Variants in CADM2 observed in about 807,000 individuals in gnomAD.
CADM2 encodes the protein immunoglobulin superfamily member 4D.
Under a neutral mutation model 49.8 loss-of-function variants are expected in CADM2, and 12 were observed. That is an observed-to-expected ratio of 0.24 (90% CI 0.15 to 0.39). CADM2 has a LOEUF of 0.39. CADM2 is among the 10% of genes least tolerant of loss of function. CADM2 has a pLI of 1.00. For synonymous variants in CADM2, 214 were observed against 175.4 expected, an observed-to-expected ratio of 1.22 and a Z score of -1.74; for missense variants, 378 against 492.3, an observed-to-expected ratio of 0.77 and a Z score of 2.20.
chr3:85,616,347 T>G (rs2063800245), intron 1 of CADM2, among the ~76,000 whole-genome samples: 1 of 152,082 alleles, frequency 6.6e-6, no homozygotes, highest in African/African-American at 2.4e-5. Context: ...TACATACATA[T>G]AAATAGCATT....
At chr3:85,232,124 C>T (rs1054000789) in intron 1 of CADM2, among the ~76,000 whole-genome samples, 11 of 133,786 alleles carry the variant, frequency 8.2e-5, no homozygotes, top group East Asian at 4.1e-4. Context: ...TTATTTTGTT[C>T]GATTTGAAGA....
intron 1 of CADM2, among the ~76,000 whole-genome samples, chr3:85,371,542 CACAAGA>C (rs2033222602): frequency 6.6e-6 from 1 of 151,156 alleles, no homozygotes; most frequent in South Asian, 2.1e-4. Context: ...ATGGTCTTTA[CACAAGA>C]ACAAGAACAA....
chr3:85,338,584 G>C (rs972140176), intron 1 of CADM2, among the ~76,000 whole-genome samples: 1 of 151,500 alleles, frequency 6.6e-6, no homozygotes, highest in Non-Finnish European at 1.5e-5. Context: ...AACCCTGTGA[G>C]GTAGGGAGTA....
intron 1 of CADM2, among the ~76,000 whole-genome samples, chr3:85,235,095 C>T (rs539437464): frequency 6.6e-6 from 1 of 152,094 alleles, no homozygotes. Flanking sequence ...TGTCATCCTC[C>T]TTAATCTACA....
intron 8 of CADM2, among the ~76,000 whole-genome samples, chr3:85,965,646 G>A (rs1376843687): frequency 6.6e-6 from 1 of 151,524 alleles, no homozygotes; most frequent in African/African-American, 2.4e-5. Context: ...CATTGACCAT[G>A]TACAAAGCAA....
chr3:85,541,755 TTATATATATATTTTATATTTTATA>T (rs2061548471), intron 1 of CADM2, among the ~76,000 whole-genome samples: 1 of 27,216 alleles, frequency 3.7e-5, no homozygotes, highest in South Asian at 1.7e-3. Flanking sequence ...TTTATATATT[TTATATATATATTTTATATTTTATA>T]TATATATATA....
At chr3:85,214,959 A>G (rs1394571705) in intron 1 of CADM2, among the ~76,000 whole-genome samples, 1 of 151,940 alleles carries the variant, frequency 6.6e-6, no homozygotes, top group Non-Finnish European at 1.5e-5. Context: ...CACTGTGGCT[A>G]AGCTAGTACT....
intron 1 of CADM2, among the ~76,000 whole-genome samples, chr3:85,283,009 C>A (rs1483800690): frequency 6.6e-6 from 1 of 151,640 alleles, no homozygotes; most frequent in African/African-American, 2.4e-5. Flanking sequence ...CACATGTAAC[C>A]CATACATATG....
At chr3:86,024,231 A>G (rs1733582175) in intron 8 of CADM2, among the ~76,000 whole-genome samples, 1 of 152,222 alleles carries the variant, frequency 6.6e-6, no homozygotes, top group Admixed American at 6.5e-5. Context: ...GGCCTAAGCC[A>G]TATTACACAA....
chr3:85,707,513 C>T (rs1441098925), intron 1 of CADM2, among the ~76,000 whole-genome samples: 1 of 148,094 alleles, frequency 6.8e-6, no homozygotes, highest in African/African-American at 2.5e-5. Context: ...TATTTAATAA[C>T]ATTCTTGTTT....
At chr3:85,672,837 T>G (rs2065781442) in intron 1 of CADM2, among the ~76,000 whole-genome samples, 1 of 152,174 alleles carries the variant, frequency 6.6e-6, no homozygotes, top group Non-Finnish European at 1.5e-5. Flanking sequence ...AATGCACAGA[T>G]TTTTCATTTT....
chr3:85,118,741 A>ATATT (rs778278725), intron 1 of CADM2, among the ~76,000 whole-genome samples: 1 of 151,974 alleles, frequency 6.6e-6, no homozygotes, highest in Non-Finnish European at 1.5e-5. Flanking sequence ...CCATTTATTT[A>ATATT]TATTTATTTA....
At chr3:85,901,263 A>G (rs1045235233) in intron 5 of CADM2, among the ~76,000 whole-genome samples, 1 of 152,194 alleles carries the variant, frequency 6.6e-6, no homozygotes, top group Non-Finnish European at 1.5e-5. Flanking sequence ...TTTTCACAAT[A>G]TGATCAAATT....
At chr3:85,258,935 G>A (rs2042950918) in intron 1 of CADM2, among the ~76,000 whole-genome samples, 1 of 152,146 alleles carries the variant, frequency 6.6e-6, no homozygotes, top group Non-Finnish European at 1.5e-5. Flanking sequence ...AAGCAGTGAA[G>A]TGTGGAACTG....
At chr3:85,040,930 G>A (rs79961087) in intron 1 of CADM2, among the ~76,000 whole-genome samples, 7,914 of 152,040 alleles carry the variant, frequency 0.052, 283 homozygotes, top group East Asian at 0.18. Flanking sequence ...CAAACTCATC[G>A]CACAATATCA....
intron 6 of CADM2, among the ~76,000 whole-genome samples, chr3:85,920,586 T>C (rs763933454): frequency 2.6e-5 from 4 of 151,818 alleles, no homozygotes; most frequent in Non-Finnish European, 4.4e-5. Context: ...TCAGAGAAGT[T>C]ACATTTATGT....
intron 1 of CADM2, among the ~76,000 whole-genome samples, chr3:85,410,422 T>C (rs1006664454): frequency 2.6e-5 from 4 of 152,190 alleles, no homozygotes; most frequent in Non-Finnish European, 5.9e-5. Context: ...TCCTTTTTTG[T>C]ATATTACGTG....
At chr3:86,052,323 G>A (rs1737443103) in intron 8 of CADM2, among the ~76,000 whole-genome samples, 1 of 152,050 alleles carries the variant, frequency 6.6e-6, no homozygotes, top group Non-Finnish European at 1.5e-5. Context: ...TAGGTATTAG[G>A]TACGGCTTTG....
intron 1 of CADM2, among the ~76,000 whole-genome samples, chr3:85,137,317 T>A (rs968909292): frequency 6.6e-6 from 1 of 151,984 alleles, no homozygotes; most frequent in African/African-American, 2.4e-5. Flanking sequence ...ATCCCAGGAC[T>A]TTTACTTTTA....
Sources: gnomAD v4.1 joint callset for allele counts (sites outside exome capture counted in the v4.1 genomes callset) on GRCh38, gnomAD v4.1.1 for gene constraint, MANE v1.5 for transcripts, NCBI Gene and HGNC (gene_info 2026-07-23, HGNC 2026-07-21) for gene names.